The following CBX1 variants were observed in gnomAD, a reference collection of about 807,000 sequenced individuals.
The protein encoded by CBX1 is chromobox 1, also known as chromobox protein homolog 1.
In CBX1, 10 loss-of-function variants were observed where a neutral mutation model predicts 25.1. The observed-to-expected ratio is 0.40, with a 90% CI of 0.25 to 0.68. The LOEUF (loss-of-function observed/expected upper bound fraction) is 0.68, where lower values mean the gene tolerates loss of function less well. CBX1 is among the 30% of genes least tolerant of loss of function. The probability of loss-of-function intolerance (pLI) is 0.40; values close to 1 mark genes in which losing one functional copy is unlikely to be tolerated. For missense variants in CBX1, 106 were observed against 218.5 expected (o/e 0.49, Z 3.25); for synonymous variants, 63 against 79.4 (o/e 0.79, Z 1.10).
At chr17:48,079,205 A>C (rs908315686) in intron 1 of CBX1, among the ~76,000 whole-genome samples, 1 of 151,922 alleles carries the variant, frequency 6.6e-6, no homozygotes. Flanking sequence ...ACCTGGGTTC[A>C]AGTGATTCTT....
intron 1 of CBX1, among the ~76,000 whole-genome samples, chr17:48,092,237 G>A (rs184473680): frequency 1.4e-4 from 21 of 150,626 alleles, no homozygotes; most frequent in African/African-American, 4.4e-4. Context: ...TAATCTGCCC[G>A]CCTCGCCCTC....
At chr17:48,095,318 G>A (rs560803628) in intron 1 of CBX1, among the ~76,000 whole-genome samples, 80 of 152,258 alleles carry the variant, frequency 5.3e-4, no homozygotes, top group African/African-American at 1.8e-3. Flanking sequence ...GGTGGGGCGC[G>A]GTGGCTCACG....
chr17:48,083,037 T>C (rs2037754228), intron 1 of CBX1, among the ~76,000 whole-genome samples: 1 of 149,522 alleles, frequency 6.7e-6, no homozygotes, highest in South Asian at 2.1e-4. Context: ...CAGCTAATTT[T>C]GTATCTTTAG....
In CBX1 at chr17:48,083,152, C is replaced by G. The variant is rs551198955; in HGVS notation, c.-37-6111G>C. Among the ~76,000 whole-genome samples, 9 of 150,248 alleles carry G rather than the reference C, an allele frequency of 6.0e-5. 1 individual carries two copies. The East Asian group carries it at 1.7e-3, about 29-fold the overall frequency. On this transcript the variant is annotated intron_variant, in intron 1 of 4. Transcript: ENST00000225603. ...AAGTGCTGGGATTACAGGAATGAGC[C>G]ACTGCACCTGGCCTAATTTTTATTT...
chr17:48,072,306 C>T (rs1357423660), intron 4 of CBX1, among the ~76,000 whole-genome samples: 4 of 152,108 alleles, frequency 2.6e-5, no homozygotes, highest in East Asian at 3.9e-4. Context: ...CCACCTCGCC[C>T]GGCCCGTAAT....
At chr17:48,078,028 G>A (rs983520042) in intron 1 of CBX1, among the ~76,000 whole-genome samples, 3 of 151,614 alleles carry the variant, frequency 2.0e-5, no homozygotes, top group African/African-American at 4.9e-5. Flanking sequence ...AGCCAAGATC[G>A]CACGACTGTA....
At chr17:48,094,205 A>T (rs983916260) in intron 1 of CBX1, among the ~76,000 whole-genome samples, 2 of 150,478 alleles carry the variant, frequency 1.3e-5, no homozygotes, top group African/African-American at 4.9e-5. Context: ...AGGCCAAGGC[A>T]GGTGGATCAC....
In CBX1 at chr17:48,076,191, G is replaced by A. The variant is rs2037673125; in HGVS notation, c.141-13C>T. On this transcript the variant is annotated splice_polypyrimidine_tract_variant and intron_variant, in intron 2 of 4. Coordinates refer to ENST00000225603, the MANE Select transcript of CBX1 (RefSeq NM_001127228.2). ...TGTGTTGTCCTCACTGAAACCAGAG[G>A]GCACAGCAAGTCACACTTTCACTCA... is the stretch of plus-strand genomic sequence containing the variant. 6 of 1,531,112 alleles carry A rather than the reference G, an allele frequency of 3.9e-6. No homozygotes were observed. The highest frequency in any genetic ancestry group is 1.3e-5 in the South Asian group (1 of 77,420). The allele number at this position is 1,531,112 out of a possible 1,614,324, so 94.8% of individuals were successfully genotyped here. A position where few individuals can be genotyped will look rare whatever the true frequency, so the allele number is the denominator to read the frequency against.
chr17:48,086,824 T>C (rs995150439), intron 1 of CBX1, among the ~76,000 whole-genome samples: 8 of 151,868 alleles, frequency 5.3e-5, no homozygotes, highest in African/African-American at 7.3e-5. Context: ...ATCACACCAC[T>C]GCACTCCAGC....
At chr17:48,088,753 A>C (rs1453085514) in intron 1 of CBX1, 1 of 152,126 alleles carries the variant, frequency 6.6e-6, no homozygotes, top group East Asian at 1.9e-4. Flanking sequence ...GTATCGTTCC[A>C]ATTTTAGTAC....
intron 4 of CBX1, among the ~76,000 whole-genome samples, chr17:48,073,070 A>G (rs192434562): frequency 6.6e-6 from 1 of 152,034 alleles, no homozygotes; most frequent in African/African-American, 2.4e-5. Flanking sequence ...TGTAGTGAAC[A>G]GAGATCGCCT....
At chr17:48,100,699 C>G (rs560297988) in intron 1 of CBX1, 96 of 985,528 alleles carry the variant, frequency 9.7e-5, no homozygotes, top group Admixed American at 3.7e-4. Flanking sequence ...TGCCCCTCCC[C>G]CTCCGTGTCC....
chr17:48,093,280 T>TA (rs2063354632), intron 1 of CBX1, among the ~76,000 whole-genome samples: 1 of 65,228 alleles, frequency 1.5e-5, no homozygotes. Flanking sequence ...GTCTCAAAAA[T>TA]AAAATTAAAA....
At chr17:48,078,342 G>A (rs1295071199) in intron 1 of CBX1, among the ~76,000 whole-genome samples, 7 of 151,954 alleles carry the variant, frequency 4.6e-5, no homozygotes, top group African/African-American at 7.2e-5. Context: ...ACCGGCGCCC[G>A]CCACCACGCC....
chr17:48,077,066 G>A (rs1438514244), intron 1 of CBX1, 25 bp from the exon 2 acceptor site: 41 of 1,547,330 alleles, frequency 2.6e-5, no homozygotes, highest in Non-Finnish European at 3.6e-5. Context: ...GAAATAAAAA[G>A]GGCATTAGGG....
chr17:48,077,430 G>GTTT (rs1225892452), intron 1 of CBX1, among the ~76,000 whole-genome samples: 2 of 56,450 alleles, frequency 3.5e-5, no homozygotes, highest in African/African-American at 1.0e-4. Context: ...GCTAATTTTT[G>GTTT]TTGTTTTTTT....
intron 1 of CBX1, chr17:48,101,023 C>T (rs570019162): frequency 3.0e-5 from 30 of 985,714 alleles, no homozygotes; most frequent in Non-Finnish European, 3.4e-5. Context: ...CGGCCCACCC[C>T]CAAGCACTCA....
At chr17:48,097,598 C>T (rs1369680053) in intron 1 of CBX1, among the ~76,000 whole-genome samples, 1 of 143,286 alleles carries the variant, frequency 7.0e-6, no homozygotes, top group East Asian at 2.1e-4. Context: ...GCTTTGGCGA[C>T]AGAGCGAGAC....
intron 1 of CBX1, among the ~76,000 whole-genome samples, chr17:48,082,494 T>G (rs547011408): frequency 3.4e-5 from 3 of 88,882 alleles, no homozygotes; most frequent in Admixed American, 3.7e-4. Flanking sequence ...AGAGCGAGAC[T>G]CCATCTCAAA....
Sources: gnomAD v4.1 joint callset for allele counts (sites outside exome capture counted in the v4.1 genomes callset) on GRCh38, gnomAD v4.1.1 for gene constraint, MANE v1.5 for transcripts, NCBI Gene and HGNC (gene_info 2026-07-23, HGNC 2026-07-21) for gene names.